ENOX2: variants seen among roughly 807,000 people sequenced by gnomAD.
The protein encoded by ENOX2 is APK1 antigen.
In ENOX2, 36 loss-of-function variants were observed where a neutral mutation model predicts 45.0. That is an observed-to-expected ratio of 0.80 (90% confidence interval 0.61 to 1.06). The LOEUF is 1.06. Ranked by LOEUF, ENOX2 falls within the 50% of genes least tolerant of loss-of-function variation. The pLI, the probability that ENOX2 is intolerant of heterozygous loss-of-function variation, is 0.00. For missense variants in ENOX2, 423 were observed against 462.5 expected (o/e 0.91, Z 0.78); for synonymous variants, 174 against 152.3 (o/e 1.14, Z -1.05).
At chrX:130,854,149 G>A (rs759786747) in intron 2 of ENOX2, among the ~76,000 whole-genome samples, 1 of 111,523 alleles carries the variant, frequency 9.0e-6, no homozygotes, top group Admixed American at 9.5e-5. Flanking sequence ...ATGCTTTAAT[G>A]AGCAACTATG....
chrX:130,679,232 C>T (rs113041360), intron 6 of ENOX2, among the ~76,000 whole-genome samples: 642 of 110,680 alleles, frequency 5.8e-3, no homozygotes, highest in South Asian at 0.012. Context: ...TCTGGGAATT[C>T]GAGTTCACTT....
chrX:130,833,879 C>T (rs1170017037), intron 2 of ENOX2, among the ~76,000 whole-genome samples: 1 of 111,246 alleles, frequency 9.0e-6, no homozygotes, highest in Non-Finnish European at 1.9e-5. Context: ...TAGGAGGAAA[C>T]CTCATAGTAA....
intron 6 of ENOX2, among the ~76,000 whole-genome samples, chrX:130,672,242 C>G (rs1323337672): frequency 2.7e-5 from 3 of 111,870 alleles, no homozygotes; most frequent in Non-Finnish European, 3.8e-5. Context: ...ATTAATGAAA[C>G]TGGGGGCTCC....
At chrX:130,656,125 T>TAAAA (rs1364972170) in intron 10 of ENOX2, among the ~76,000 whole-genome samples, 1 of 111,996 alleles carries the variant, frequency 8.9e-6, no homozygotes, top group Non-Finnish European at 1.9e-5. Flanking sequence ...ATGGTTTGCC[T>TAAAA]AAAAAGAGTA....
intron 12 of ENOX2, among the ~76,000 whole-genome samples, chrX:130,633,218 G>A (rs1377879650): frequency 9.0e-6 from 1 of 111,725 alleles, no homozygotes. Flanking sequence ...AACTCACCCT[G>A]TAGCTTACTG....
intron 3 of ENOX2, among the ~76,000 whole-genome samples, chrX:130,779,589 T>G (rs1288991422): frequency 9.0e-6 from 1 of 111,219 alleles, no homozygotes; most frequent in Non-Finnish European, 1.9e-5. Flanking sequence ...TAGGGACAAG[T>G]GAAGCTGTCA....
At chrX:130,820,404 G>A (rs1224652489) in intron 2 of ENOX2, among the ~76,000 whole-genome samples, 1 of 111,846 alleles carries the variant, frequency 8.9e-6, no homozygotes, top group Non-Finnish European at 1.9e-5. Context: ...GAGTATGGAG[G>A]TTCCTCATAA....
chrX:130,842,889 C>T (rs936433622), intron 2 of ENOX2, among the ~76,000 whole-genome samples: 6 of 110,756 alleles, frequency 5.4e-5, no homozygotes, highest in Non-Finnish European at 1.1e-4. Flanking sequence ...ATGGATACAC[C>T]TCAAGAGGTC....
chrX:130,802,506 T>C (rs999576208), intron 2 of ENOX2, among the ~76,000 whole-genome samples: 9 of 112,363 alleles, frequency 8.0e-5, no homozygotes, highest in Non-Finnish European at 1.5e-4. Context: ...TCAACTTTGC[T>C]TCACATCCAC....
At chrX:130,816,766 T>A (rs2077493769) in intron 2 of ENOX2, among the ~76,000 whole-genome samples, 1 of 111,429 alleles carries the variant, frequency 9.0e-6, no homozygotes, top group Admixed American at 9.5e-5. Flanking sequence ...GCTAAAGCAG[T>A]GTTTAGAGAG....
chrX:130,711,884 T>C (rs772879377), intron 3 of ENOX2, among the ~76,000 whole-genome samples: 2 of 111,288 alleles, frequency 1.8e-5, no homozygotes, highest in Non-Finnish European at 3.8e-5. Flanking sequence ...ATGGCAATTG[T>C]AGTGAGGGTG....
chrX:130,668,061 G>A (rs1039201268), intron 7 of ENOX2, among the ~76,000 whole-genome samples: 3 of 108,723 alleles, frequency 2.8e-5, no homozygotes, highest in African/African-American at 1.0e-4. Context: ...CTCTGATTGT[G>A]TGTGTGTGTG....
rs1053005780 is a variant in ENOX2, at chrX:130,743,250, C to T, written c.-38-39996G>A. 6.3e-5 allele frequency among the ~76,000 whole-genome samples: 7 copies of T among 111,759 alleles called. No individual in the cohort carries two copies. The East Asian group carries it at 1.1e-3, about 18-fold the overall frequency. The stretch of plus-strand genomic sequence containing the variant: ...AAGAGCTAGGAGATTTAGTCTGCAA[C>T]TTTAACATGAGCCAACAACATGAAA... On this transcript the variant is annotated intron_variant, in intron 3 of 14. Transcript: ENST00000394363.
intron 2 of ENOX2, among the ~76,000 whole-genome samples, chrX:130,813,304 T>C (rs1268013673): frequency 8.9e-6 from 1 of 112,428 alleles, no homozygotes; most frequent in African/African-American, 3.2e-5. Context: ...CTTCAATAAA[T>C]GGTGCTGGGA....
chrX:130,751,398 A>G (rs1181084950), intron 3 of ENOX2, among the ~76,000 whole-genome samples: 7 of 112,417 alleles, frequency 6.2e-5, no homozygotes, highest in Non-Finnish European at 1.1e-4. Flanking sequence ...TTTATGGTTG[A>G]ATAATATTCT....
rs193029758 is a variant in ENOX2 at position 130,645,546 on chromosome X, T to G, written c.1130-8136A>C. On this transcript the variant is annotated intron_variant, in intron 10 of 14. Transcript: ENST00000394363. ...AAACATTTGTAGTTTATACCTTTTT[T>G]GATTACTAACAGAACACAAAACCCA... Among the ~76,000 whole-genome samples, 275 of 113,141 alleles carry G rather than the reference T, an allele frequency of 2.4e-3. 2 individuals are homozygous for G. Among genetic ancestry groups the G allele is most frequent in the Non-Finnish European group, 3.6e-3 (194 of 53,360 alleles).
intron 10 of ENOX2, among the ~76,000 whole-genome samples, chrX:130,654,603 A>G (rs1315963158): frequency 1.8e-5 from 2 of 112,365 alleles, no homozygotes; most frequent in African/African-American, 3.2e-5. Context: ...TACAGAAGTG[A>G]GATAACAGAA....
intron 3 of ENOX2, among the ~76,000 whole-genome samples, chrX:130,766,195 T>C (rs912830726): frequency 9.0e-6 from 1 of 111,672 alleles, no homozygotes; most frequent in African/African-American, 3.2e-5. Context: ...TGCATTTTCC[T>C]GATTCATAAT....
chrX:130,729,440 T>G (rs2148289903), intron 3 of ENOX2, among the ~76,000 whole-genome samples: 1 of 112,003 alleles, frequency 8.9e-6, no homozygotes, highest in African/African-American at 3.2e-5. Flanking sequence ...GCTGAGTTCC[T>G]TTTGAATTTG....
Sources: allele counts gnomAD v4.1 joint callset (sites outside exome capture counted in the v4.1 genomes callset), GRCh38; gene constraint gnomAD v4.1.1; transcripts MANE v1.5; gene names NCBI Gene and HGNC (gene_info 2026-07-23, HGNC 2026-07-21).